The following ETFDH variants were observed in gnomAD, a reference collection of about 807,000 sequenced individuals.
ETFDH encodes the protein electron transfer flavoprotein dehydrogenase, also known as electron transfer flavoprotein-ubiquinone oxidoreductase, mitochondrial.
ETFDH carries 61 observed loss-of-function variants against 73.2 expected under a neutral mutation model. The ratio of observed to expected loss-of-function variants is 0.83; its 90% CI spans 0.68 to 1.03. ETFDH has a LOEUF of 1.03. Ranked by LOEUF, ETFDH falls within the 50% of genes least tolerant of loss-of-function variation. The pLI is 0.00. For missense variants in ETFDH, 685 were observed against 745.0 expected, an observed-to-expected ratio of 0.92 and a Z score of 0.94; for synonymous variants, 243 against 253.3, an observed-to-expected ratio of 0.96 and a Z score of 0.39.
At chr4:158,672,805 G>T (rs1773610577) in intron 1 of ETFDH, among the ~76,000 whole-genome samples, 1 of 151,930 alleles carries the variant, frequency 6.6e-6, no homozygotes, top group South Asian at 2.1e-4. Context: ...CCAAATCCTG[G>T]TTCTAATCTT....
intron 6 of ETFDH, 112 bp from the exon 7 acceptor site, chr4:158,695,385 C>T: frequency 2.8e-6 from 2 of 717,952 alleles, no homozygotes; most frequent in South Asian, 1.8e-5. Flanking sequence ...TAATATTATA[C>T]ATTTGCACTG....
In ETFDH at chr4:158,683,194, G is replaced by A. The variant is rs191351367; in HGVS notation, c.405+770G>A. On this transcript the variant is annotated intron_variant, in intron 3 of 12. Transcript: ENST00000511912. ...AAAACCACAGGTGTGATATACAGAG[G>A]ACCAAGTCCAAGTTTTATTGTCTTA... Among the ~76,000 whole-genome samples the A allele has an allele frequency of 3.0e-3, 461 of 152,250 alleles. 1 individual carries two copies. The highest frequency in any genetic ancestry group is 0.011 in the African/African-American group (438 of 41,542).
At chr4:158,698,412 T>C (rs1484395921) in intron 8 of ETFDH, among the ~76,000 whole-genome samples, 1 of 152,220 alleles carries the variant, frequency 6.6e-6, no homozygotes, top group East Asian at 1.9e-4. Flanking sequence ...AGGAAAAAGA[T>C]GCAGTTAATT....
chr4:158,677,221 A>G (rs1246225645), intron 1 of ETFDH, among the ~76,000 whole-genome samples: 6 of 152,258 alleles, frequency 3.9e-5, no homozygotes, highest in African/African-American at 1.4e-4. Flanking sequence ...CCCACGATAC[A>G]GCCTCAGGAG....
At chr4:158,708,296 T>C in intron 12 of ETFDH, 68 bp from the exon 13 acceptor site, 3 of 1,227,118 alleles carry the variant, frequency 2.4e-6, no homozygotes, top group Non-Finnish European at 3.5e-6. Context: ...CTTTCCTTAA[T>C]TTTTACTTTT....
rs779944719 is a variant in ETFDH, at chr4:158,706,679, T to C, written c.1519T>C (p.Tyr507His). Reference sequence around the variant, plus strand: ...AGCCAAGGATTGCACACCTATTGAGTATCCAAAACCCGATGGACAGATCAG... The same window carrying C: ...AGCCAAGGATTGCACACCTATTGAGCATCCAAAACCCGATGGACAGATCAG... ...KPAKDCTPIE[Y>H]PKPDGQISFD... The change falls in exon 12 of 13, where the codon TAT becomes CAT. Residue 507 changes from tyrosine to histidine, a missense_variant. Tyr to His is a moderately conservative substitution (Grantham distance 83, BLOSUM62 2). Transcript: ENST00000511912. 2 of 1,614,168 alleles carry C rather than the reference T, an allele frequency of 1.2e-6. No individual in the cohort carries two copies. The highest frequency in any genetic ancestry group is 1.7e-6 in the Non-Finnish European group (2 of 1,180,020).
intron 1 of ETFDH, among the ~76,000 whole-genome samples, chr4:158,674,695 A>G (rs550453778): frequency 6.6e-6 from 1 of 152,354 alleles, no homozygotes; most frequent in African/African-American, 2.4e-5. Flanking sequence ...CTTTTCACAG[A>G]AAATTACTCT....
intron 10 of ETFDH, among the ~76,000 whole-genome samples, chr4:158,704,172 A>G (rs1774544337): frequency 1.3e-5 from 2 of 152,360 alleles, no homozygotes; most frequent in South Asian, 4.1e-4. Flanking sequence ...ACAGTACTGC[A>G]TTTATATTGC....
At chr4:158,673,033 G>C (rs530680211) in intron 1 of ETFDH, among the ~76,000 whole-genome samples, 102 of 152,332 alleles carry the variant, frequency 6.7e-4, no homozygotes, top group African/African-American at 2.0e-3. Context: ...GCTGGGCGTG[G>C]TGGCTCAAGC....
At chr4:158,679,522 A>G (rs1381946492) in intron 1 of ETFDH, 3 of 152,220 alleles carry the variant, frequency 2.0e-5, no homozygotes, top group African/African-American at 7.2e-5. Flanking sequence ...TGAACAAAGT[A>G]TGGGCACAAA....
chr4:158,698,563 TATTG>T (rs1324459960), intron 8 of ETFDH, among the ~76,000 whole-genome samples: 1 of 152,216 alleles, frequency 6.6e-6, no homozygotes, highest in African/African-American at 2.4e-5. Context: ...TTCAAATTGG[TATTG>T]ATTAATGTAT....
chr4:158,682,082 G>A, intron 2 of ETFDH, 113 bp from the exon 3 acceptor site: 2 of 1,426,462 alleles, frequency 1.4e-6, no homozygotes, highest in African/African-American at 1.4e-5. Flanking sequence ...GCAAAACACA[G>A]GGAGAATTTC....
chr4:158,703,354 A>AT lies in ETFDH; in HGVS notation c.1117-66dup, dbSNP rs1269882411. 3 of 1,064,540 alleles carry AT rather than the reference A, an allele frequency of 2.8e-6. No homozygotes were observed. In the African/African-American group the frequency reaches 4.7e-5, roughly 17 times the overall value. 65.9% of individuals were successfully genotyped at this position (1,064,540 alleles called of 1,614,324 possible). On this transcript the variant is annotated intron_variant, in intron 9 of 12. Transcript: ENST00000511912. The stretch of plus-strand genomic sequence containing the variant: ...ACAGCTCTAGAATACTTTAAGACTG[A>AT]TTTGGAGTATTCTGTTGTTCTTGTT...
intron 5 of ETFDH, among the ~76,000 whole-genome samples, chr4:158,685,650 G>A (rs1773984956): frequency 6.6e-6 from 1 of 152,138 alleles, no homozygotes; most frequent in Non-Finnish European, 1.5e-5. Flanking sequence ...TTAAGGGAAA[G>A]GTTTGTCTCT....
chr4:158,700,580 A>ACACACACACACG (rs1774436723), intron 9 of ETFDH: 1 of 139,260 alleles, frequency 7.2e-6, no homozygotes, highest in African/African-American at 2.7e-5. Flanking sequence ...ACGCACACAC[A>ACACACACACACG]CACACACACA....
rs755214741 is a variant in ETFDH at position 158,706,379 on chromosome 4, A to G, written c.1468+8A>G. On this transcript the variant is annotated splice_region_variant and intron_variant, in intron 11 of 12. Transcript: ENST00000511912. Reference sequence around the variant, plus strand: ...GGACTCTGAAACATAAAGGTAATTCAAACAAGAGTATGAGTGACATGATCA... The same window carrying G: ...GGACTCTGAAACATAAAGGTAATTCGAACAAGAGTATGAGTGACATGATCA... The G allele has an allele frequency of 6.2e-6, 10 of 1,601,340 alleles. No individual in the cohort carries two copies. Among genetic ancestry groups the G allele is most frequent in the Middle Eastern group, 1.7e-4 (1 of 6,034 alleles).
At chr4:158,702,155 GT>G (rs10586342) in intron 9 of ETFDH, among the ~76,000 whole-genome samples, 18,614 of 145,404 alleles carry the variant, frequency 0.13, 1,544 homozygotes, top group Non-Finnish European at 0.2. Context: ...CAAATCACAG[GT>G]TTTTTTTTTT....
chr4:158,673,257 C>G (rs140117449), intron 1 of ETFDH, among the ~76,000 whole-genome samples: 1 of 152,122 alleles, frequency 6.6e-6, no homozygotes, highest in South Asian at 2.1e-4. Flanking sequence ...GAGCTGAGAT[C>G]GCACCACTGC....
chr4:158,690,283 A>C, intron 5 of ETFDH, 65 bp from the exon 6 acceptor site: 1 of 880,614 alleles, frequency 1.1e-6, no homozygotes, highest in Non-Finnish European at 1.9e-6. Context: ...AAGGCTGTTT[A>C]CTGTTTTTTT....
Sources: gnomAD v4.1 joint callset for allele counts (sites outside exome capture counted in the v4.1 genomes callset) on GRCh38, gnomAD v4.1.1 for gene constraint, MANE v1.5 for transcripts, NCBI Gene and HGNC (gene_info 2026-07-23, HGNC 2026-07-21) for gene names.